Variants in CDH26 observed in about 807,000 individuals in gnomAD.
CDH26 encodes cadherin 26.
In CDH26, 83 loss-of-function variants were observed where a neutral mutation model predicts 90.3. That is an observed-to-expected ratio of 0.92 (90% CI 0.77 to 1.10). The LOEUF (loss-of-function observed/expected upper bound fraction) is 1.10. Among genes scored for constraint, CDH26 ranks in the 50% least tolerant of loss-of-function variants. The probability of loss-of-function intolerance (pLI) is 0.00; values close to 1 mark genes in which losing one functional copy is unlikely to be tolerated. For synonymous variants in CDH26, 397 were observed against 396.3 expected (o/e 1.00, Z -0.02); for missense variants, 1,013 against 1,037.6 (o/e 0.98, Z 0.33).
chr20:59,970,090 C>G lies in CDH26; in HGVS notation c.135C>G (p.Ile45Met), dbSNP rs752186363. Residue 45 changes from isoleucine to methionine, a missense_variant, in exon 3 of 18, where the codon ATC becomes ATG. Physicochemically the swap from Ile to Met is conservative, Grantham distance 10. Transcript: ENST00000348616. ...GTCACTATAAGTTCCAGGAAAAGATCTACCAGCCTCTACGGCGATCCAAGA... is the reference window on the plus strand; with the variant it reads ...GTCACTATAAGTTCCAGGAAAAGATGTACCAGCCTCTACGGCGATCCAAGA... ...DDLTKQTKEKIYQPLRRSKRR... is the reference protein window; with the variant it reads ...DDLTKQTKEKMYQPLRRSKRR... 7.4e-6 allele frequency: 12 copies of G among 1,612,958 alleles called. No homozygotes were observed. In the East Asian group the frequency reaches 2.5e-4, roughly 33 times the overall value.
At chr20:60,002,895 A>G (rs2146008173) in intron 16 of CDH26, 29 bp downstream of exon 16, 1 of 1,485,292 alleles carries the variant, frequency 6.7e-7, no homozygotes, top group Non-Finnish European at 9.1e-7. Flanking sequence ...GTTACCGTGA[A>G]CAAATTTACC....
chr20:59,970,821 TAA>T (rs2061252483), intron 3 of CDH26, among the ~76,000 whole-genome samples: 1 of 142,522 alleles, frequency 7.0e-6, no homozygotes, highest in African/African-American at 2.9e-5. Context: ...AATAAATAAA[TAA>T]ATAAATAAAT....
chr20:60,014,883 C>T (rs1197376648), downstream of CDH26, among the ~76,000 whole-genome samples: 1 of 152,210 alleles, frequency 6.6e-6, no homozygotes, highest in African/African-American at 2.4e-5. Flanking sequence ...CCATACTCTT[C>T]TCCAAAGTGC....
chr20:59,985,852 A>G (rs2061452011), intron 7 of CDH26, among the ~76,000 whole-genome samples: 1 of 152,212 alleles, frequency 6.6e-6, no homozygotes, highest in Admixed American at 6.5e-5. Context: ...TGAAACTACA[A>G]CACGATTTCT....
chr20:59,989,025 C>A lies in CDH26; in HGVS notation c.1145C>A (p.Thr382Asn). The A allele has an allele frequency of 6.2e-7, 1 of 1,614,242 alleles. No individual in the cohort carries two copies. The highest frequency in any genetic ancestry group is 1.1e-5 in the South Asian group (1 of 91,086). Residue 382 changes from threonine to asparagine, a missense_variant, in exon 9 of 18, where the codon ACT (threonine) becomes AAT (asparagine). By Grantham distance (65) the Thr-to-Asn change is moderately conservative. Coordinates refer to ENST00000348616, the MANE Select transcript of CDH26 (RefSeq NM_177980.4). Reference protein sequence around the residue: ...QPPRKAAASATVSVQVTDAND... With the variant: ...QPPRKAAASANVSVQVTDAND... ...CCAAGGAAGGCAGCAGCCAGCGCCA[C>A]TGTGAGTGTGCAGGTGACAGACGCC...
intron 11 of CDH26, 78 bp from the exon 12 acceptor site, chr20:59,995,755 G>C: frequency 7.4e-7 from 1 of 1,345,124 alleles, no homozygotes. Flanking sequence ...GGCCCGTGCA[G>C]GGCGTTCAGT....
chr20:59,980,000 A>T (rs2061376557), intron 4 of CDH26, among the ~76,000 whole-genome samples: 1 of 152,126 alleles, frequency 6.6e-6, no homozygotes, highest in African/African-American at 2.4e-5. Context: ...TAGTTGGATC[A>T]CATAAGTGTA....
At chr20:60,032,249 A>C (rs1025339162) in intron 8 of CDH26, among the ~76,000 whole-genome samples, 3 of 152,304 alleles carry the variant, frequency 2.0e-5, no homozygotes, top group Non-Finnish European at 2.9e-5. Flanking sequence ...AAAGTCCAGT[A>C]AGTGCACAAT....
intron 4 of CDH26, among the ~76,000 whole-genome samples, chr20:59,977,993 A>G (rs1395583991): frequency 1.3e-5 from 2 of 152,282 alleles, no homozygotes; most frequent in East Asian, 1.9e-4. Flanking sequence ...CTTTTCCAGA[A>G]GGTTATATAG....
chr20:59,981,562 C>A (rs1169835140), intron 4 of CDH26, among the ~76,000 whole-genome samples: 1 of 152,038 alleles, frequency 6.6e-6, no homozygotes, highest in African/African-American at 2.4e-5. Context: ...TGTGACATTG[C>A]TGAAATTGAT....
intron 4 of CDH26, among the ~76,000 whole-genome samples, chr20:59,976,723 G>A (rs937042514): frequency 1.3e-5 from 2 of 152,158 alleles, no homozygotes; most frequent in South Asian, 2.1e-4. Flanking sequence ...CCTGCTGTGG[G>A]GGAGGAGGAG....
chr20:59,983,197 C>T (rs2061415257), intron 5 of CDH26, 127 bp downstream of exon 5: 6 of 1,133,956 alleles, frequency 5.3e-6, no homozygotes, highest in South Asian at 5.1e-5. Context: ...TCTCAAAGAT[C>T]GCAGGCCTTG....
intron 7 of CDH26, among the ~76,000 whole-genome samples, chr20:60,026,857 G>A (rs182039903): frequency 2.0e-5 from 3 of 152,320 alleles, no homozygotes; most frequent in South Asian, 2.1e-4. Context: ...TCAAACCTTA[G>A]CATGAATGTA....
At chr20:59,979,923 A>G (rs2061375701) in intron 4 of CDH26, among the ~76,000 whole-genome samples, 2 of 151,986 alleles carry the variant, frequency 1.3e-5, no homozygotes, top group East Asian at 3.9e-4. Context: ...AACCATACCC[A>G]GCCCACATAT....
intron 1 of CDH26, among the ~76,000 whole-genome samples, chr20:59,962,287 C>T (rs138128302): frequency 2.0e-5 from 3 of 152,270 alleles, no homozygotes; most frequent in East Asian, 1.9e-4. Flanking sequence ...ACTGGTACGT[C>T]GGCTTAAAAT....
In CDH26 at chr20:59,983,073, G is replaced by T. The variant is rs1322855704; in HGVS notation, c.541+3G>T. 7 of 1,613,412 alleles carry T rather than the reference G, an allele frequency of 4.3e-6. No homozygotes were observed. The South Asian group carries it at 4.4e-5, about 10-fold the overall frequency. ...TGTGCAAGAAAACCAATCTGCAGGT[G>T]TGTGCGGCTGGGGGGCTGCCGGGCT... On this transcript the variant is annotated splice_donor_region_variant and intron_variant, in intron 5 of 17. Transcript: ENST00000348616.
intron 5 of CDH26, among the ~76,000 whole-genome samples, chr20:59,983,671 A>G (rs1200683147): frequency 6.6e-6 from 1 of 152,210 alleles, no homozygotes; most frequent in Non-Finnish European, 1.5e-5. Context: ...GTGTGTTAAA[A>G]TTATATATGT....
chr20:59,980,255 G>A (rs1364042977), intron 4 of CDH26, among the ~76,000 whole-genome samples: 3 of 151,336 alleles, frequency 2.0e-5, no homozygotes, highest in Non-Finnish European at 4.4e-5. Flanking sequence ...TTGGAGAGGT[G>A]TCTGTTCAAA....
At chr20:59,965,783 G>A (rs2061141200) in intron 1 of CDH26, among the ~76,000 whole-genome samples, 1 of 152,130 alleles carries the variant, frequency 6.6e-6, no homozygotes, top group South Asian at 2.1e-4. Context: ...TTACTGGGTG[G>A]AATCTGAAAC....
Sources: allele counts gnomAD v4.1 joint callset (sites outside exome capture counted in the v4.1 genomes callset), GRCh38; gene constraint gnomAD v4.1.1; transcripts MANE v1.5; gene names NCBI Gene and HGNC (gene_info 2026-07-23, HGNC 2026-07-21).